Variants in RXRG observed in about 807,000 individuals in gnomAD.
RXRG encodes retinoid X receptor gamma.
In RXRG, 19 loss-of-function variants were observed where a neutral mutation model predicts 49.2. The ratio of observed to expected loss-of-function variants is 0.39; its 90% CI spans 0.27 to 0.57. RXRG has a LOEUF of 0.57. Ranked by LOEUF, RXRG falls within the 20% of genes least tolerant of loss-of-function variation. The pLI is 0.64. For synonymous variants in RXRG, 224 were observed against 216.6 expected (o/e 1.03, Z -0.30); for missense variants, 452 against 592.5 (o/e 0.76, Z 2.46).
intron 1 of RXRG, among the ~76,000 whole-genome samples, chr1:165,432,227 T>C (rs1202020917): frequency 6.6e-6 from 1 of 152,226 alleles, no homozygotes; most frequent in Non-Finnish European, 1.5e-5. Context: ...GAATGGTACA[T>C]TGTTGAGATA....
chr1:165,439,534 A>G (rs1016468208), intron 1 of RXRG, among the ~76,000 whole-genome samples: 3 of 152,220 alleles, frequency 2.0e-5, no homozygotes, highest in Non-Finnish European at 4.4e-5. Context: ...CAGCTAATGC[A>G]TGCTTTCATT....
At chr1:165,424,498 A>G (rs1658419758) in intron 2 of RXRG, among the ~76,000 whole-genome samples, 1 of 152,236 alleles carries the variant, frequency 6.6e-6, no homozygotes, top group South Asian at 2.1e-4. Flanking sequence ...TAATCAGGGC[A>G]AGTATTTGTA....
intron 1 of RXRG, among the ~76,000 whole-genome samples, chr1:165,439,329 A>G (rs1032449083): frequency 1.3e-5 from 2 of 150,832 alleles, no homozygotes; most frequent in Non-Finnish European, 3.0e-5. Flanking sequence ...GGAGAGGGAG[A>G]GAGGCAGGGA....
intron 6 of RXRG, among the ~76,000 whole-genome samples, chr1:165,410,458 G>A (rs1657906865): frequency 6.6e-6 from 1 of 152,148 alleles, no homozygotes; most frequent in Non-Finnish European, 1.5e-5. Context: ...TCAATAAAAT[G>A]ATTTAATAGT....
chr1:165,415,146 G>A (rs1422495696), intron 4 of RXRG, among the ~76,000 whole-genome samples: 1 of 152,064 alleles, frequency 6.6e-6, no homozygotes, highest in South Asian at 2.1e-4. Flanking sequence ...GCTTTACCAA[G>A]AAAGTGAGAA....
intron 7 of RXRG, 97 bp from the exon 8 acceptor site, chr1:165,408,415 G>T: frequency 1.2e-6 from 1 of 809,696 alleles, no homozygotes; most frequent in Non-Finnish European, 2.2e-6. Flanking sequence ...AGCCCACTCT[G>T]TTTCCAGATG....
rs1425751881 is a variant in RXRG, at chr1:165,410,937, AAG to A, written c.783+10_783+11del. Reference sequence around the variant, plus strand: ...AGAAATGGAACACACATGTGTGTCTAAGAGCACATACCGAGTTCTCCATATTC... The same window carrying A: ...AGAAATGGAACACACATGTGTGTCTAAGCACATACCGAGTTCTCCATATTC... On this transcript the variant is annotated intron_variant, in intron 5 of 9. Coordinates refer to ENST00000359842, the MANE Select transcript of RXRG (RefSeq NM_006917.5). 1 of 1,613,812 alleles carries A rather than the reference AAG, an allele frequency of 6.2e-7. No homozygotes were observed. The highest frequency in any genetic ancestry group is 8.5e-7 in the Non-Finnish European group (1 of 1,179,854).
At chr1:165,436,501 A>G (rs1377155894) in intron 1 of RXRG, among the ~76,000 whole-genome samples, 1 of 152,256 alleles carries the variant, frequency 6.6e-6, no homozygotes, top group African/African-American at 2.4e-5. Context: ...AGAATTTGGT[A>G]TGTACCTTTT....
Position 165,401,299 on chromosome 1 carries a change from G to A in RXRG, c.1356C>T (p.Leu452=), listed in dbSNP as rs968497570. 2 of 1,614,132 alleles carry A rather than the reference G, an allele frequency of 1.2e-6. No individual in the cohort carries two copies. Among genetic ancestry groups the A allele is most frequent in the Non-Finnish European group, 1.7e-6 (2 of 1,180,016 alleles). Residue 452 remains leucine (L), a synonymous_variant, in exon 10 of 10, where the codon CTC becomes CTT. Transcript: ENST00000359842. ...LIGDTPIDTF[L]MEMLETPLQI... ...GCAGCGGGGTCTCCAACATCTCCAT[G>A]AGGAAGGTGTCAATGGGGGTGTCCC...
At chr1:165,429,883 G>T (rs538117526) in intron 1 of RXRG, among the ~76,000 whole-genome samples, 6 of 152,250 alleles carry the variant, frequency 3.9e-5, no homozygotes, top group African/African-American at 1.4e-4. Context: ...TGAAACAGGA[G>T]AGTGCCCTCC....
rs776927068 is a variant in RXRG at position 165,406,827 on chromosome 1, G to A, written c.1229C>T (p.Pro410Leu). The A allele has an allele frequency of 3.7e-6, 6 of 1,613,412 alleles. No individual in the cohort carries two copies. Among genetic ancestry groups the A allele is most frequent in the Admixed American group, 1.7e-5 (1 of 60,004 alleles). ...TLEAYTKQKY[P>L]EQPGRFAKLL... ...ACTGTCTCACCTGCCTGGCTGTTCC[G>A]GATACTTCTGCTTGGTGTAGGCCTC... The change falls in exon 9 of 10, where the codon CCG becomes CTG. Residue 410 changes from proline to leucine, a missense_variant. Physicochemically the swap from Pro to Leu is moderately conservative, Grantham distance 98. Transcript: ENST00000359842.
At chr1:165,422,004 C>A (rs1422802853) in intron 2 of RXRG, among the ~76,000 whole-genome samples, 1 of 152,186 alleles carries the variant, frequency 6.6e-6, no homozygotes, top group Non-Finnish European at 1.5e-5. Context: ...GATGACCCCA[C>A]AGAGAGAGCC....
At position 165,400,977 on chromosome 1, in the gene RXRG, G is replaced by GA. The variant is rs1488729882; in HGVS notation, c.*285dup. ...CATTTGTTTGCTTTCCAGGGCAAGT[G>GA]AAAAAATAATTTAAACCAATTGTAT... On this transcript the variant is annotated 3_prime_UTR_variant, in exon 10 of 10. Coordinates refer to ENST00000359842, the MANE Select transcript of RXRG (RefSeq NM_006917.5). 6.8e-6 allele frequency: 2 copies of GA among 295,250 alleles called. No individual in the cohort carries two copies. The highest frequency in any genetic ancestry group is 7.6e-5 in the East Asian group (1 of 13,186). The allele number at this position is 295,250 out of a possible 1,614,324, so 18.3% of individuals were successfully genotyped here. A position where few individuals can be genotyped will look rare whatever the true frequency, so the allele number is the denominator to read the frequency against.
intron 1 of RXRG, among the ~76,000 whole-genome samples, chr1:165,439,390 C>A (rs1658913627): frequency 6.6e-6 from 1 of 152,096 alleles, no homozygotes; most frequent in African/African-American, 2.4e-5. Context: ...AACCCCAGCT[C>A]CCACCCTGAG....
At chr1:165,406,200 T>TAGATGGCCTCAGAGATCTGCC (rs945800846) in intron 9 of RXRG, among the ~76,000 whole-genome samples, 1 of 152,162 alleles carries the variant, frequency 6.6e-6, no homozygotes, top group African/African-American at 2.4e-5. Context: ...AGAGATCTGC[T>TAGATGGCCTCAGAGATCTGCC]AGATGGCCTC....
chr1:165,428,461 C>A (rs886861528), intron 2 of RXRG, among the ~76,000 whole-genome samples: 1 of 152,216 alleles, frequency 6.6e-6, no homozygotes, highest in Admixed American at 6.5e-5. Flanking sequence ...ACAGCCAGGG[C>A]TGAACTGCTA....
chr1:165,428,233 A>G (rs1658554278), intron 2 of RXRG, among the ~76,000 whole-genome samples: 1 of 152,228 alleles, frequency 6.6e-6, no homozygotes, highest in Non-Finnish European at 1.5e-5. Flanking sequence ...CAGAGACAGC[A>G]TAGCATGTAA....
intron 9 of RXRG, among the ~76,000 whole-genome samples, chr1:165,403,597 C>A (rs1002848932): frequency 3.9e-5 from 6 of 152,094 alleles, no homozygotes; most frequent in African/African-American, 1.4e-4. Context: ...GTGGTAAAGC[C>A]CCTGAAAGCA....
In RXRG at chr1:165,401,236, G is replaced by A. The variant is rs376005365; in HGVS notation, c.*27C>T. The A allele has an allele frequency of 1.2e-5, 19 of 1,612,706 alleles. No homozygotes were observed. In the African/African-American group the frequency reaches 2.3e-4, roughly 19 times the overall value. ...CACACACCTGCCCAGGGGTCATCCT[G>A]GGTGGGGAGGCTGTGGCTGGTGGGG... On this transcript the variant is annotated 3_prime_UTR_variant, in exon 10 of 10. Transcript: ENST00000359842.
Sources: allele counts gnomAD v4.1 joint callset (sites outside exome capture counted in the v4.1 genomes callset), GRCh38; gene constraint gnomAD v4.1.1; transcripts MANE v1.5; gene names NCBI Gene and HGNC (gene_info 2026-07-23, HGNC 2026-07-21).